The following TRAK1 variants were observed in gnomAD, a reference collection of about 807,000 sequenced individuals.
TRAK1 encodes trafficking kinesin-binding protein 1.
In TRAK1, 33 loss-of-function variants were observed where a neutral mutation model predicts 92.1. The ratio of observed to expected loss-of-function variants is 0.36; its 90% confidence interval spans 0.27 to 0.48. TRAK1 has a LOEUF of 0.48. TRAK1 is among the 20% of genes least tolerant of loss of function. The pLI is 0.99. For synonymous variants in TRAK1, 521 were observed against 517.3 expected (o/e 1.01, Z -0.10); for missense variants, 1,123 against 1,257.9 (o/e 0.89, Z 1.62).
intron 1 of TRAK1, among the ~76,000 whole-genome samples, chr3:42,028,414 G>A (rs1213192223): frequency 1.7e-4 from 26 of 152,200 alleles, no homozygotes; most frequent in South Asian, 4.1e-4. Context: ...CCTGGGCCAG[G>A]CACTGAGTTA....
chr3:42,170,964 C>T (rs571982467), intron 2 of TRAK1, among the ~76,000 whole-genome samples: 51 of 152,134 alleles, frequency 3.4e-4, no homozygotes, highest in African/African-American at 1.2e-3. Flanking sequence ...GCTGGGACTA[C>T]AGGTGCCTGC....
intron 2 of TRAK1, among the ~76,000 whole-genome samples, chr3:42,128,270 TAC>T (rs1266375106): frequency 6.6e-6 from 1 of 152,230 alleles, no homozygotes; most frequent in Non-Finnish European, 1.5e-5. Flanking sequence ...TTTTTAGTTA[TAC>T]AGTTAAGAAA....
chr3:42,107,869 G>C (rs940685632), intron 1 of TRAK1, among the ~76,000 whole-genome samples: 1 of 151,522 alleles, frequency 6.6e-6, no homozygotes, highest in Non-Finnish European at 1.5e-5. Flanking sequence ...CAGCCCTGCT[G>C]TCCCCAGGGT....
At chr3:42,097,770 T>A (rs1246059658) in intron 1 of TRAK1, among the ~76,000 whole-genome samples, 1 of 152,232 alleles carries the variant, frequency 6.6e-6, no homozygotes, top group East Asian at 1.9e-4. Context: ...ACCTGAACTT[T>A]ATATCAAGGA....
intron 1 of TRAK1, among the ~76,000 whole-genome samples, chr3:42,074,577 G>A (rs555759766): frequency 6.6e-6 from 1 of 152,218 alleles, no homozygotes; most frequent in Admixed American, 6.5e-5. Context: ...AGCTTTCTAG[G>A]GTGATTGTTC....
intron 1 of TRAK1, among the ~76,000 whole-genome samples, chr3:42,095,078 A>G (rs1241860204): frequency 6.6e-6 from 1 of 152,224 alleles, no homozygotes. Context: ...CACATTCAGA[A>G]TCATTCTTGA....
intron 1 of TRAK1, among the ~76,000 whole-genome samples, chr3:42,107,699 G>C (rs1197813973): frequency 1.3e-5 from 2 of 151,832 alleles, no homozygotes; most frequent in African/African-American, 4.8e-5. Context: ...GTAACCTCTT[G>C]GTCTGTTAAC....
intron 14 of TRAK1, among the ~76,000 whole-genome samples, chr3:42,213,184 A>G (rs541494236): frequency 2.0e-5 from 3 of 151,268 alleles, no homozygotes; most frequent in South Asian, 4.2e-4. Context: ...CAGCCTCCCA[A>G]GTAGCTGGGA....
intron 14 of TRAK1, among the ~76,000 whole-genome samples, chr3:42,213,147 C>T (rs2149519137): frequency 6.6e-6 from 1 of 151,090 alleles, no homozygotes; most frequent in East Asian, 2.0e-4. Context: ...CAACTTCCAC[C>T]TCCCGGTTCA....
intron 1 of TRAK1, among the ~76,000 whole-genome samples, chr3:42,082,164 A>G (rs570015481): frequency 6.6e-6 from 1 of 152,342 alleles, no homozygotes; most frequent in Admixed American, 6.5e-5. Context: ...TCTGGCAGCT[A>G]TAAATGGAAA....
rs768807600 is a variant in TRAK1, at chr3:42,184,712, C to G, written c.391C>G (p.Arg131Gly). The G allele has an allele frequency of 1.9e-6, 3 of 1,614,142 alleles. No homozygotes were observed. In the East Asian group the frequency reaches 6.7e-5, roughly 36 times the overall value. ...EKERDLELAA[R>G]IGQSLLKKNK... ...AGAGCGGGATTTAGAATTGGCCGCT[C>G]GCATCGGCCAGTCGTTGTTGAAGAA... Residue 131 changes from arginine (R) to glycine (G), a missense_variant, in exon 4 of 16, where the codon CGC (arginine) becomes GGC (glycine). Arg to Gly is a moderately radical substitution (Grantham distance 125, BLOSUM62 -2). Coordinates refer to ENST00000327628, the MANE Select transcript of TRAK1 (RefSeq NM_001042646.3).
intron 1 of TRAK1, among the ~76,000 whole-genome samples, chr3:42,097,705 T>C (rs1706142081): frequency 6.6e-6 from 1 of 152,254 alleles, no homozygotes; most frequent in South Asian, 2.1e-4. Context: ...CACTGCCTGG[T>C]AGGCTTGGAT....
At chr3:42,129,073 T>G (rs755430314) in intron 2 of TRAK1, among the ~76,000 whole-genome samples, 6 of 152,256 alleles carry the variant, frequency 3.9e-5, no homozygotes, top group Non-Finnish European at 8.8e-5. Flanking sequence ...TCTTCAAAGC[T>G]TTCTCCTGAG....
At chr3:42,054,236 A>G (rs896452903) in intron 1 of TRAK1, among the ~76,000 whole-genome samples, 2 of 152,204 alleles carry the variant, frequency 1.3e-5, no homozygotes, top group South Asian at 2.1e-4. Context: ...AACATAATCA[A>G]TAAATACTTT....
At chr3:42,030,740 A>G (rs1281431685) in intron 1 of TRAK1, among the ~76,000 whole-genome samples, 5 of 116,546 alleles carry the variant, frequency 4.3e-5, no homozygotes, top group South Asian at 2.8e-4. Context: ...ATATATATAT[A>G]TGTAACTTGT....
intron 1 of TRAK1, among the ~76,000 whole-genome samples, chr3:42,074,712 C>A (rs1704076229): frequency 7.0e-6 from 1 of 143,818 alleles, no homozygotes; most frequent in Non-Finnish European, 1.5e-5. Flanking sequence ...TATTTAGGTT[C>A]AGGTAGTACA....
At chr3:42,128,361 T>G (rs1371958595) in intron 2 of TRAK1, among the ~76,000 whole-genome samples, 1 of 152,244 alleles carries the variant, frequency 6.6e-6, no homozygotes, top group Non-Finnish European at 1.5e-5. Context: ...GCAGAGATTC[T>G]GAAAGTTCTT....
chr3:42,198,549 C>T (rs1707076567), intron 10 of TRAK1, among the ~76,000 whole-genome samples: 1 of 152,154 alleles, frequency 6.6e-6, no homozygotes, highest in Non-Finnish European at 1.5e-5. Flanking sequence ...AGAGCAGGGA[C>T]CTAGAGATGG....
At chr3:42,162,426 T>C (rs534069457) in intron 2 of TRAK1, among the ~76,000 whole-genome samples, 1 of 152,102 alleles carries the variant, frequency 6.6e-6, no homozygotes, top group East Asian at 1.9e-4. Context: ...TGATCCAGGC[T>C]TGAGGACTTG....
Sources: allele counts gnomAD v4.1 joint callset (sites outside exome capture counted in the v4.1 genomes callset), GRCh38; gene constraint gnomAD v4.1.1; transcripts MANE v1.5; gene names NCBI Gene and HGNC (gene_info 2026-07-23, HGNC 2026-07-21).